DLGAP2: variants seen among roughly 807,000 people sequenced by gnomAD.
The protein encoded by DLGAP2 is disks large-associated protein 2.
A neutral mutation model predicts 100.3 loss-of-function variants in DLGAP2; 26 were observed. The ratio of observed to expected loss-of-function variants is 0.26; its 90% CI spans 0.19 to 0.36. The LOEUF (loss-of-function observed/expected upper bound fraction) is 0.36. Among genes scored for constraint, DLGAP2 ranks in the 10% least tolerant of loss-of-function variants. The pLI, the probability that DLGAP2 is intolerant of heterozygous loss-of-function variation, is 1.00. For missense variants in DLGAP2, 1,858 were observed against 1,453.2 expected (o/e 1.28, Z -4.53); for synonymous variants, 886 against 630.1 (o/e 1.41, Z -6.08).
intron 2 of DLGAP2, among the ~76,000 whole-genome samples, chr8:999,202 C>G (rs1359629388): frequency 2.0e-5 from 3 of 151,908 alleles, no homozygotes; most frequent in African/African-American, 7.3e-5. Context: ...GCCAGAGATA[C>G]TTTCTCCTCC....
intron 2 of DLGAP2, among the ~76,000 whole-genome samples, chr8:1,246,078 G>C (rs62487832): frequency 6.6e-6 from 1 of 152,056 alleles, no homozygotes; most frequent in African/African-American, 2.4e-5. Context: ...TTTTAATACA[G>C]AGTAAGCCAT....
chr8:1,453,219 C>T (rs1332337471), intron 3 of DLGAP2, among the ~76,000 whole-genome samples: 1 of 152,112 alleles, frequency 6.6e-6, no homozygotes, highest in African/African-American at 2.4e-5. Context: ...GCACACAGTT[C>T]TCGGAGCTGG....
intron 1 of DLGAP2, chr8:883,410 G>T (rs1797851294): frequency 6.6e-6 from 1 of 151,762 alleles, no homozygotes; most frequent in Non-Finnish European, 1.5e-5. Context: ...TTGATTCCCT[G>T]GTCACATAGA....
chr8:929,906 A>G (rs1294637169), intron 2 of DLGAP2, among the ~76,000 whole-genome samples: 3 of 151,816 alleles, frequency 2.0e-5, no homozygotes, highest in African/African-American at 7.3e-5. Context: ...GGCACTATAG[A>G]AATTACTTTG....
intron 1 of DLGAP2, among the ~76,000 whole-genome samples, chr8:900,261 G>A (rs1191034544): frequency 1.3e-5 from 2 of 149,238 alleles, no homozygotes; most frequent in East Asian, 2.0e-4. Flanking sequence ...CCAGGCGGAC[G>A]GTCGGCGCCA....
chr8:1,474,111 T>G (rs1236544522), intron 3 of DLGAP2, among the ~76,000 whole-genome samples: 1 of 152,164 alleles, frequency 6.6e-6, no homozygotes, highest in Non-Finnish European at 1.5e-5. Flanking sequence ...TAGCTCCCTC[T>G]TACAAGCAAG....
At chr8:1,628,364 T>C (rs112535392) in intron 7 of DLGAP2, among the ~76,000 whole-genome samples, 8 of 135,010 alleles carry the variant, frequency 5.9e-5, no homozygotes, top group South Asian at 2.4e-4. Context: ...GATTAAGAGC[T>C]TGAGCCAACC....
chr8:1,657,715 A>G (rs991649290), intron 8 of DLGAP2, among the ~76,000 whole-genome samples: 4 of 152,240 alleles, frequency 2.6e-5, no homozygotes, highest in Non-Finnish European at 5.9e-5. Flanking sequence ...TCATTTCTTA[A>G]TGTTAATCTC....
At chr8:1,208,479 A>T (rs1653730515) in intron 2 of DLGAP2, among the ~76,000 whole-genome samples, 1 of 152,204 alleles carries the variant, frequency 6.6e-6, no homozygotes, top group African/African-American at 2.4e-5. Flanking sequence ...GACATACTTT[A>T]AGTTTATAAA....
At chr8:1,386,294 G>T (rs1405809880) in intron 3 of DLGAP2, among the ~76,000 whole-genome samples, 1 of 152,194 alleles carries the variant, frequency 6.6e-6, no homozygotes, top group Non-Finnish European at 1.5e-5. Context: ...AAGTCGGTGA[G>T]ATTATAGATG....
chr8:1,552,064 T>C (rs916497943), intron 5 of DLGAP2, among the ~76,000 whole-genome samples: 1 of 152,114 alleles, frequency 6.6e-6, no homozygotes, highest in Non-Finnish European at 1.5e-5. Flanking sequence ...TTCCGTGCCA[T>C]GGGGTCATTC....
At chr8:1,502,841 G>T (rs1350967444) in intron 4 of DLGAP2, among the ~76,000 whole-genome samples, 3 of 152,312 alleles carry the variant, frequency 2.0e-5, no homozygotes, top group East Asian at 3.9e-4. Context: ...CTCCATAGCA[G>T]CGGCGCCCAC....
chr8:1,606,013 C>A (rs1368503768), intron 6 of DLGAP2, among the ~76,000 whole-genome samples: 1 of 152,136 alleles, frequency 6.6e-6, no homozygotes, highest in African/African-American at 2.4e-5. Context: ...AGAATCATAA[C>A]CAGCACCAAA....
intron 2 of DLGAP2, among the ~76,000 whole-genome samples, chr8:1,233,955 G>C (rs999886016): frequency 1.3e-5 from 2 of 152,120 alleles, no homozygotes; most frequent in Non-Finnish European, 2.9e-5. Flanking sequence ...CCTAGGACGG[G>C]GTTTGACCAG....
At chr8:831,177 C>T (rs997753073) in intron 1 of DLGAP2, among the ~76,000 whole-genome samples, 4 of 149,566 alleles carry the variant, frequency 2.7e-5, no homozygotes, top group African/African-American at 9.9e-5. Context: ...GGATTACAAG[C>T]ATGAGTCACC....
At chr8:1,216,226 C>T (rs949570610) in intron 2 of DLGAP2, among the ~76,000 whole-genome samples, 2 of 152,188 alleles carry the variant, frequency 1.3e-5, no homozygotes, top group Non-Finnish European at 2.9e-5. Context: ...TCAGGTCTCA[C>T]GTGAACTGAG....
chr8:1,675,145 C>G (rs534794065), intron 10 of DLGAP2, among the ~76,000 whole-genome samples: 6 of 152,244 alleles, frequency 3.9e-5, no homozygotes, highest in African/African-American at 1.2e-4. Context: ...ACCGCTTCTG[C>G]GCCTGTCTTC....
Position 1,418,438 on chromosome 8 carries a change from G to A in DLGAP2, c.107-82928G>A, listed in dbSNP as rs558323827. On this transcript the variant is annotated intron_variant, in intron 3 of 14. Coordinates refer to ENST00000637795, the MANE Select transcript of DLGAP2 (RefSeq NM_001346810.2). ...TGTTTTTAAAAAGATGATTATTTCT[G>A]TAGTCGCTTAGCCTGAAATTATAGC... Among the ~76,000 whole-genome samples the A allele has an allele frequency of 2.6e-5, 4 of 152,202 alleles. No individual in the cohort carries two copies. The South Asian group carries it at 8.3e-4, about 32-fold the overall frequency.
intron 2 of DLGAP2, among the ~76,000 whole-genome samples, chr8:1,100,345 G>A (rs995712701): frequency 1.3e-5 from 2 of 152,166 alleles, no homozygotes. Context: ...TGTACAGCGT[G>A]TGTAGGGAAA....
Sources: allele counts gnomAD v4.1 joint callset (sites outside exome capture counted in the v4.1 genomes callset), GRCh38; gene constraint gnomAD v4.1.1; transcripts MANE v1.5; gene names NCBI Gene and HGNC (gene_info 2026-07-23, HGNC 2026-07-21).